The following PCSK4 variants were observed in gnomAD, a reference collection of about 807,000 sequenced individuals.
The protein encoded by PCSK4 is proprotein convertase subtilisin/kexin type 4.
In PCSK4, 64 loss-of-function variants were observed where a neutral mutation model predicts 80.3. The observed-to-expected ratio is 0.80, with a 90% CI of 0.65 to 0.98. The LOEUF (loss-of-function observed/expected upper bound fraction) is 0.98. PCSK4 is among the 50% of genes least tolerant of loss of function. The pLI, the probability that PCSK4 is intolerant of heterozygous loss-of-function variation, is 0.00. For synonymous variants in PCSK4, 561 were observed against 487.6 expected, an observed-to-expected ratio of 1.15 and a Z score of -1.98; for missense variants, 1,213 against 1,093.6, an observed-to-expected ratio of 1.11 and a Z score of -1.54.
In PCSK4 at chr19:1,484,010, G is replaced by T; in HGVS notation, c.1169+17C>A. On this transcript the variant is annotated intron_variant, in intron 9 of 14. Transcript: ENST00000300954. ...CCTGGGGGCGAGGGCGGTGGACCGG[G>T]CCCCGCAGTCACCTACTTGGCCTCC... 2 of 1,523,288 alleles carry T rather than the reference G, an allele frequency of 1.3e-6. No individual in the cohort carries two copies. Among genetic ancestry groups the T allele is most frequent in the Non-Finnish European group, 8.8e-7 (1 of 1,135,842 alleles). 94.4% of individuals were successfully genotyped at this position (1,523,288 alleles called of 1,614,324 possible). A position where few individuals can be genotyped will look rare whatever the true frequency, so the allele number is the denominator to read the frequency against.
rs568210492 is a variant in PCSK4 at position 1,482,545 on chromosome 19, G to A, written c.1697-70C>T. ...CGGCAGCCTGGTCCTGGTAGTCCCC[G>A]GGCTCCCTCCCCTTCAGCTCCCACG... On this transcript the variant is annotated intron_variant, in intron 13 of 14. Coordinates refer to ENST00000300954, the Ensembl canonical transcript of PCSK4. The A allele has an allele frequency of 4.9e-5, 76 of 1,543,086 alleles. No homozygotes were observed. The Admixed American group carries it at 1.0e-3, about 20-fold the overall frequency.
exon 11 of PCSK4, chr19:1,483,658 G>A (rs1417308501): frequency 6.3e-7 from 1 of 1,590,036 alleles, no homozygotes; most frequent in Non-Finnish European, 8.5e-7. Flanking sequence ...ACGTGGGGCG[G>A]CTCTGGACCC....
upstream of PCSK4, chr19:1,490,492 G>A: frequency 3.8e-6 from 2 of 523,462 alleles, no homozygotes; most frequent in Non-Finnish European, 6.7e-6. Context: ...TCAGCCAGGA[G>A]GGGCGCGAAG....
intron 1 of PCSK4, 119 bp downstream of exon 1, chr19:1,490,039 G>A: frequency 6.6e-7 from 1 of 1,520,198 alleles, no homozygotes. Flanking sequence ...GCTGAGGCAG[G>A]GGTGGGCTGG....
intron 2 of PCSK4, 61 bp from the exon 3 acceptor site, chr19:1,488,341 C>T: frequency 7.4e-7 from 1 of 1,351,536 alleles, no homozygotes. Flanking sequence ...CCTCGTGGTT[C>T]AGGGAGTGAG....
intron 2 of PCSK4, chr19:1,489,482 C>T (rs1195289015): frequency 8.8e-5 from 32 of 364,940 alleles, no homozygotes. Flanking sequence ...AATCCCCTTC[C>T]CTCCATCCCA....
At chr19:1,489,163 GCT>G (rs1206092877) in intron 2 of PCSK4, among the ~76,000 whole-genome samples, 4 of 136,020 alleles carry the variant, frequency 2.9e-5, no homozygotes, top group Non-Finnish European at 6.1e-5. Context: ...ACGGAGTCTC[GCT>G]CTGTCGCCCA....
chr19:1,481,740 G>A (rs749628323), exon 15 of PCSK4: 21 of 1,482,766 alleles, frequency 1.4e-5, no homozygotes, highest in East Asian at 4.7e-5. Flanking sequence ...GGGCAAGGTC[G>A]CTTTCTGAGC....
chr19:1,489,505 T>C, intron 2 of PCSK4: 1 of 433,340 alleles, frequency 2.3e-6, no homozygotes, highest in South Asian at 3.0e-5. Flanking sequence ...ACCTAGACGG[T>C]GGGGAAGTCA....
chr19:1,482,841 T>TG (rs1035426567), intron 13 of PCSK4, 55 bp downstream of exon 13: 13 of 1,591,108 alleles, frequency 8.2e-6, no homozygotes, highest in African/African-American at 2.7e-5. Flanking sequence ...CCAGAGCCCC[T>TG]GGGGGGAGGT....
chr19:1,486,121 C>A (rs953173626), intron 8 of PCSK4, among the ~76,000 whole-genome samples: 1 of 151,472 alleles, frequency 6.6e-6, no homozygotes, highest in Non-Finnish European at 1.5e-5. Context: ...TACAGGCGCC[C>A]GCCACCATGC....
At chr19:1,483,305 C>T (rs2145334598) in exon 12 of PCSK4, 1 of 1,604,264 alleles carries the variant, frequency 6.2e-7, no homozygotes. Context: ...GAGTGTGGAG[C>T]GCGTGCCCAT....
exon 7 of PCSK4, chr19:1,487,312 G>C (rs201839083): frequency 3.8e-6 from 6 of 1,585,118 alleles, no homozygotes; most frequent in Non-Finnish European, 4.3e-6. Flanking sequence ...GCATCCGTAC[G>C]CCTGCAGAGC....
chr19:1,488,165 A>T, intron 3 of PCSK4, 23 bp downstream of exon 3: 1 of 1,613,282 alleles, frequency 6.2e-7, no homozygotes, highest in Non-Finnish European at 8.5e-7. Flanking sequence ...GTCCCCGTCT[A>T]CCCACCCTGG....
intron 8 of PCSK4, among the ~76,000 whole-genome samples, chr19:1,485,480 G>A (rs4807118): frequency 0.18 from 27,881 of 152,124 alleles, 3,200 homozygotes; most frequent in Admixed American, 0.25. Flanking sequence ...CACAAGAATC[G>A]CTTGAGCCCG....
chr19:1,485,443 T>C (rs771198731), intron 8 of PCSK4, among the ~76,000 whole-genome samples: 9 of 152,124 alleles, frequency 5.9e-5, no homozygotes, highest in African/African-American at 1.4e-4. Context: ...GGCATGCTTG[T>C]GGTCTCAGCT....
At chr19:1,489,919 C>T (rs1176549251) in intron 1 of PCSK4, 22 bp from the exon 2 acceptor site, 3 of 1,586,814 alleles carry the variant, frequency 1.9e-6, no homozygotes, top group South Asian at 1.1e-5. Flanking sequence ...GGGAAGCGGC[C>T]GCACCGATGG....
chr19:1,481,955 C>G, exon 15 of PCSK4: 1 of 1,594,538 alleles, frequency 6.3e-7, no homozygotes, highest in Non-Finnish European at 8.5e-7. Context: ...CCGGGGGCGG[C>G]TGTCGGGGGT....
exon 1 of PCSK4, chr19:1,490,315 C>T: frequency 2.0e-6 from 3 of 1,477,564 alleles, no homozygotes; most frequent in African/African-American, 1.4e-5. Context: ...CAAGACCAGG[C>T]GCAGCCACAG....
Sources: gnomAD v4.1 joint callset for allele counts (sites outside exome capture counted in the v4.1 genomes callset) on GRCh38, gnomAD v4.1.1 for gene constraint, MANE v1.5 for transcripts, NCBI Gene and HGNC (gene_info 2026-07-23, HGNC 2026-07-21) for gene names.